Variants in RGS7 observed in about 807,000 individuals in gnomAD.
RGS7 encodes regulator of G-protein signaling 7.
A neutral mutation model predicts 81.1 loss-of-function variants in RGS7; 27 were observed. The ratio of observed to expected loss-of-function variants is 0.33; its 90% confidence interval spans 0.25 to 0.46. RGS7 has a LOEUF of 0.46. Ranked by LOEUF, RGS7 falls within the 20% of genes least tolerant of loss-of-function variation. The pLI is 1.00. For missense variants in RGS7, 396 were observed against 607.4 expected, an observed-to-expected ratio of 0.65 and a Z score of 3.66; for synonymous variants, 208 against 207.7, an observed-to-expected ratio of 1.00 and a Z score of -0.01.
intron 2 of RGS7, among the ~76,000 whole-genome samples, chr1:241,242,566 G>A (rs1286316953): frequency 6.6e-6 from 1 of 152,164 alleles, no homozygotes; most frequent in Non-Finnish European, 1.5e-5. Flanking sequence ...GTTTTCCATA[G>A]TGGTTGTACT....
rs1330046936 is a variant in RGS7, at chr1:240,998,934, G to A, written c.176-15805C>T. 3 of 351,114 alleles carry A rather than the reference G, an allele frequency of 8.5e-6. No individual in the cohort carries two copies. The East Asian group carries it at 2.1e-4, about 25-fold the overall frequency. 21.7% of individuals were successfully genotyped at this position (351,114 alleles called of 1,614,324 possible). ...CTTTCATAACTCCAATGGCACCAATGTTAGATCTTTTGTTATAAACCCACA... is the reference window on the plus strand; with the variant it reads ...CTTTCATAACTCCAATGGCACCAATATTAGATCTTTTGTTATAAACCCACA... On this transcript the variant is annotated intron_variant, in intron 3 of 18. Transcript: ENST00000440928.
chr1:240,984,414 T>A (rs1180862173), intron 3 of RGS7, among the ~76,000 whole-genome samples: 1 of 152,118 alleles, frequency 6.6e-6, no homozygotes, highest in Non-Finnish European at 1.5e-5. Context: ...TTTCAGGACT[T>A]TACGACTAAT....
chr1:240,874,789 T>C (rs261823), intron 6 of RGS7, among the ~76,000 whole-genome samples: 54,485 of 151,950 alleles, frequency 0.36, 10,570 homozygotes, highest in African/African-American at 0.5. Context: ...GCCTGTAATC[T>C]CAGCAGTTTG....
intron 2 of RGS7, among the ~76,000 whole-genome samples, chr1:241,266,395 A>AC (rs1280487708): frequency 2.0e-5 from 3 of 151,280 alleles, no homozygotes; most frequent in Non-Finnish European, 2.9e-5. Context: ...CTGTTAGCTA[A>AC]CCCCCCTAAG....
intron 2 of RGS7, among the ~76,000 whole-genome samples, chr1:241,327,080 GAGAAAGAAAGAAAGAA>G (rs75083243): frequency 0.018 from 884 of 49,308 alleles, 22 homozygotes; most frequent in African/African-American, 0.031. Flanking sequence ...AAGGAAGGAA[GAGAAAGAAAGAAAGAA>G]AGAAAGAAAG....
At chr1:240,790,212 A>G (rs1056091159) in intron 18 of RGS7, among the ~76,000 whole-genome samples, 1 of 152,208 alleles carries the variant, frequency 6.6e-6, no homozygotes, top group African/African-American at 2.4e-5. Context: ...ATCCTGGGTA[A>G]CAGACTGAGA....
chr1:241,093,474 G>T (rs1031578865), intron 3 of RGS7, among the ~76,000 whole-genome samples: 6 of 152,136 alleles, frequency 3.9e-5, no homozygotes, highest in African/African-American at 1.4e-4. Flanking sequence ...AACATAGTGA[G>T]TATTTGATCA....
At chr1:240,782,203 G>A (rs1206737277) in intron 18 of RGS7, among the ~76,000 whole-genome samples, 1 of 152,144 alleles carries the variant, frequency 6.6e-6, no homozygotes, top group Non-Finnish European at 1.5e-5. Flanking sequence ...AAATGATTGT[G>A]TGTATACTTT....
intron 3 of RGS7, among the ~76,000 whole-genome samples, chr1:241,034,313 G>A (rs1199420325): frequency 6.6e-6 from 1 of 152,220 alleles, no homozygotes; most frequent in African/African-American, 2.4e-5. Flanking sequence ...ACTTTGAAAT[G>A]TCAAGCCATT....
At position 241,123,269 on chromosome 1, in the gene RGS7, A is replaced by G. The variant is rs985002657; in HGVS notation, c.79-24507T>C. ...CACTCATTCATTATTTAATCAGCCT[A>G]TCTACCTCACCAAGGCCTCCCCAAC... On this transcript the variant is annotated intron_variant, in intron 2 of 18. Coordinates refer to ENST00000440928, the MANE Select transcript of RGS7 (RefSeq NM_001364886.1). Among the ~76,000 whole-genome samples the G allele has an allele frequency of 2.0e-5, 3 of 152,102 alleles. 1 individual carries two copies. Among genetic ancestry groups the G allele is most frequent in the South Asian group, 4.2e-4 (2 of 4,814 alleles).
At chr1:240,898,139 C>G (rs1205337334) in intron 6 of RGS7, among the ~76,000 whole-genome samples, 2 of 152,102 alleles carry the variant, frequency 1.3e-5, no homozygotes, top group African/African-American at 2.4e-5. Context: ...TACCCTTTAT[C>G]ATTTTTTATT....
At chr1:240,837,435 T>C (rs1192157590) in intron 9 of RGS7, among the ~76,000 whole-genome samples, 1 of 152,230 alleles carries the variant, frequency 6.6e-6, no homozygotes, top group East Asian at 1.9e-4. Flanking sequence ...TTGTTCTATA[T>C]CCTGGGTTGG....
At chr1:240,824,089 A>G (rs1477932612) in intron 10 of RGS7, among the ~76,000 whole-genome samples, 1 of 152,192 alleles carries the variant, frequency 6.6e-6, no homozygotes, top group Non-Finnish European at 1.5e-5. Context: ...CTAATTTTAG[A>G]TTCTTAACAT....
At chr1:240,918,335 T>C (rs1037530078) in intron 6 of RGS7, among the ~76,000 whole-genome samples, 5 of 152,142 alleles carry the variant, frequency 3.3e-5, no homozygotes, top group Non-Finnish European at 5.9e-5. Context: ...TGCACCAAGA[T>C]AGACCACATT....
rs199991784 is a variant in RGS7 at position 240,890,811 on chromosome 1, CAGTTGTCTGGGAAG to C, written c.386-20706_386-20693del. ...AAATGGCTGCATTGGAATTTGAACC[CAGTTGTCTGGGAAG>C]AGCCATTCTAATTTGGAGAAATATT... On this transcript the variant is annotated intron_variant, in intron 6 of 18. Transcript: ENST00000440928. 6.7e-3 allele frequency among the ~76,000 whole-genome samples: 1,015 copies of C among 152,196 alleles called. 5 individuals are homozygous for C. The highest frequency in any genetic ancestry group is 0.024 in the African/African-American group (982 of 41,536).
intron 3 of RGS7, among the ~76,000 whole-genome samples, chr1:241,026,173 A>G (rs1283394999): frequency 6.6e-6 from 1 of 152,138 alleles, no homozygotes; most frequent in Non-Finnish European, 1.5e-5. Flanking sequence ...TTCTTATTAT[A>G]TTTTGCCTTC....
At chr1:241,071,956 T>A (rs2062497115) in intron 3 of RGS7, among the ~76,000 whole-genome samples, 1 of 151,554 alleles carries the variant, frequency 6.6e-6, no homozygotes, top group African/African-American at 2.4e-5. Context: ...AATTTTATTT[T>A]GTCTTATTGA....
chr1:241,327,981 A>C lies in RGS7; in HGVS notation c.78+27718T>G, dbSNP rs1266967906. On this transcript the variant is annotated intron_variant, in intron 2 of 18. Transcript: ENST00000440928. ...AGAAATAACATATGGCTTGAAAAAT[A>C]ATATATGAATTTGGAAGTTTGTTTT... Among the ~76,000 whole-genome samples, 4 of 152,216 alleles carry C rather than the reference A, an allele frequency of 2.6e-5. No homozygotes were observed. In the East Asian group the frequency reaches 5.8e-4, roughly 22 times the overall value.
At chr1:241,312,121 C>T (rs1171304395) in intron 2 of RGS7, among the ~76,000 whole-genome samples, 3 of 152,168 alleles carry the variant, frequency 2.0e-5, no homozygotes, top group Non-Finnish European at 4.4e-5. Flanking sequence ...TACTTTCATT[C>T]TCCAATCATT....
Sources: gnomAD v4.1 joint callset for allele counts (sites outside exome capture counted in the v4.1 genomes callset) on GRCh38, gnomAD v4.1.1 for gene constraint, MANE v1.5 for transcripts, NCBI Gene and HGNC (gene_info 2026-07-23, HGNC 2026-07-21) for gene names.